The following RABEP1 variants were observed in gnomAD, a reference collection of about 807,000 sequenced individuals.
The protein encoded by RABEP1 is rabaptin, RAB GTPase binding effector protein 1, also known as rab GTPase-binding effector protein 1.
A neutral mutation model predicts 123.4 loss-of-function variants in RABEP1; 51 were observed. The observed-to-expected ratio is 0.41, with a 90% confidence interval of 0.33 to 0.52. The LOEUF is 0.52. Among genes scored for constraint, RABEP1 ranks in the 20% least tolerant of loss-of-function variants. The pLI is 0.16. For synonymous variants in RABEP1, 347 were observed against 355.2 expected (o/e 0.98, Z 0.26); for missense variants, 888 against 996.3 (o/e 0.89, Z 1.46).
chr17:5,350,823 G>A lies in RABEP1; in HGVS notation c.963+194G>A, dbSNP rs879874136. Among the ~76,000 whole-genome samples, 3 of 152,034 alleles carry A rather than the reference G, an allele frequency of 2.0e-5. No individual in the cohort carries two copies. The East Asian group carries it at 5.8e-4, about 29-fold the overall frequency. ...TCATCTTTAGAAATGGCCTCCTCTC[G>A]GGGGTGGGGAAACTGATTTGGAAAT... On this transcript the variant is annotated intron_variant, in intron 7 of 17. Transcript: ENST00000537505.
Position 5,335,173 on chromosome 17 carries a change from A to G in RABEP1, c.368-11A>G, listed in dbSNP as rs769902396. ...ATGCTTAGATGTGAAATATGTGGTG[A>G]TGTTTTGTAGAAACAGTTCGTGACT... On this transcript the variant is annotated splice_polypyrimidine_tract_variant and intron_variant, in intron 3 of 17. Coordinates refer to ENST00000537505, the MANE Select transcript of RABEP1 (RefSeq NM_004703.6). The G allele has an allele frequency of 6.3e-7, 1 of 1,593,468 alleles. No homozygotes were observed. The highest frequency in any genetic ancestry group is 2.2e-5 in the East Asian group (1 of 44,682).
chr17:5,304,934 A>T (rs1287716191), intron 1 of RABEP1, among the ~76,000 whole-genome samples: 1 of 152,194 alleles, frequency 6.6e-6, no homozygotes, highest in Non-Finnish European at 1.5e-5. Flanking sequence ...TCATTAAATA[A>T]ATACTACCAA....
chr17:5,344,417 AAC>A lies in RABEP1; in HGVS notation c.649-2371_649-2370del, dbSNP rs368740161. Among the ~76,000 whole-genome samples, 1,075 of 151,764 alleles carry A rather than the reference AAC, an allele frequency of 7.1e-3. 11 individuals carry two copies. The highest frequency in any genetic ancestry group is 0.011 in the Non-Finnish European group (727 of 67,884). ...TGTGCCACTGCACTCCAGCCAGAGC[AAC>A]AGAGTGAGACTCTCTCTCAAAATTG... is the stretch of plus-strand genomic sequence containing the variant. On this transcript the variant is annotated intron_variant, in intron 5 of 17. Coordinates refer to ENST00000537505, the MANE Select transcript of RABEP1 (RefSeq NM_004703.6).
rs2144654125 is a variant in RABEP1 at position 5,353,224 on chromosome 17, C to A, written c.964-1135C>A. On this transcript the variant is annotated intron_variant, in intron 7 of 17. Coordinates refer to ENST00000537505, the MANE Select transcript of RABEP1 (RefSeq NM_004703.6). The stretch of plus-strand genomic sequence containing the variant: ...TGTTTCTGTCTTTTGTATGTGCCTC[C>A]TTTCTCCCTGGAACCCTTAATTGTC... 1.3e-5 allele frequency among the ~76,000 whole-genome samples: 2 copies of A among 152,312 alleles called. 1 individual carries two copies. The highest frequency in any genetic ancestry group is 4.1e-4 in the South Asian group (2 of 4,822).
At position 5,361,348 on chromosome 17, in the gene RABEP1, A is replaced by G. The variant is rs1033372486; in HGVS notation, c.1236A>G (p.Gly412=). The change falls in exon 9 of 18, where the codon GGA becomes GGG. Residue 412 remains glycine (G), a synonymous_variant. Transcript: ENST00000537505. ...GAGCACAGTCTACAGACAGCTTGGGAACCTCGGGCTCATTGCAATCCAAAG... is the reference window on the plus strand; with the variant it reads ...GAGCACAGTCTACAGACAGCTTGGGGACCTCGGGCTCATTGCAATCCAAAG... ...LRRAQSTDSL[G]TSGSLQSKAL... is the part of the protein sequence containing the mutation. 6.2e-7 allele frequency: 1 copy of G among 1,614,046 alleles called. No individual in the cohort carries two copies. The highest frequency in any genetic ancestry group is 1.3e-5 in the African/African-American group (1 of 74,916).
In RABEP1 at chr17:5,346,811, C is replaced by G; in HGVS notation, c.670C>G (p.Leu224Val). The part of the protein sequence containing the change: ...ASKVKELNHY[L>V]EAEKSCRTDL... ...TCAGGTTAAAGAACTGAATCATTATCTGGAAGCTGAGAAATCTTGTAGGAC... is the reference window on the plus strand; with the variant it reads ...TCAGGTTAAAGAACTGAATCATTATGTGGAAGCTGAGAAATCTTGTAGGAC... Residue 224 changes from leucine (L) to valine (V), a missense_variant, in exon 6 of 18, where the codon CTG becomes GTG. Physicochemically the swap from Leu to Val is conservative, Grantham distance 32. Coordinates refer to ENST00000537505, the MANE Select transcript of RABEP1 (RefSeq NM_004703.6). The G allele has an allele frequency of 6.3e-7, 1 of 1,574,938 alleles. No homozygotes were observed. Among genetic ancestry groups the G allele is most frequent in the East Asian group, 2.3e-5 (1 of 43,954 alleles).
At chr17:5,314,234 C>CTTTTTTTTTTTTTTTCTTTTTTTTTTTT (rs2075272711) in intron 2 of RABEP1, among the ~76,000 whole-genome samples, 1 of 55,560 alleles carries the variant, frequency 1.8e-5, no homozygotes, top group Non-Finnish European at 3.2e-5. Flanking sequence ...AGTACCTATT[C>CTTTTTTTTTTTTTTTCTTTTTTTTTTTT]TTTTTTTTTT....
intron 7 of RABEP1, 114 bp from the exon 8 acceptor site, chr17:5,354,245 C>A: frequency 1.1e-6 from 1 of 921,682 alleles, no homozygotes; most frequent in South Asian, 2.1e-5. Context: ...CGTAAGTATC[C>A]AGTTTTCTCT....
intron 1 of RABEP1, among the ~76,000 whole-genome samples, chr17:5,290,394 A>T (rs1223862068): frequency 6.6e-6 from 1 of 152,050 alleles, no homozygotes; most frequent in Non-Finnish European, 1.5e-5. Flanking sequence ...GTCCTCCTTG[A>T]TTATTCTTAA....
chr17:5,290,982 C>G (rs1288053200), intron 1 of RABEP1, among the ~76,000 whole-genome samples: 1 of 152,158 alleles, frequency 6.6e-6, no homozygotes, highest in Non-Finnish European at 1.5e-5. Context: ...AGTAACTTGC[C>G]TAGAATCCAG....
chr17:5,380,847 G>A (rs143523975), intron 16 of RABEP1, among the ~76,000 whole-genome samples: 13 of 152,328 alleles, frequency 8.5e-5, no homozygotes, highest in Middle Eastern at 3.4e-3. Context: ...TAGAATAAAC[G>A]TGCATGTTGT....
intron 1 of RABEP1, among the ~76,000 whole-genome samples, chr17:5,286,633 A>G (rs1015175638): frequency 3.3e-5 from 5 of 152,250 alleles, no homozygotes; most frequent in Admixed American, 1.3e-4. Context: ...TCATTCAGCC[A>G]TTAATTAGAT....
chr17:5,290,769 T>C (rs2075025777), intron 1 of RABEP1, among the ~76,000 whole-genome samples: 1 of 152,104 alleles, frequency 6.6e-6, no homozygotes. Context: ...AATTTTTTTC[T>C]AGTTTTAGTA....
intron 2 of RABEP1, among the ~76,000 whole-genome samples, chr17:5,318,041 T>G (rs549215753): frequency 1.3e-5 from 2 of 152,342 alleles, no homozygotes; most frequent in South Asian, 4.1e-4. Context: ...CACCTTTTTC[T>G]CTATATCCTT....
chr17:5,309,522 G>A (rs1438302884), intron 2 of RABEP1, among the ~76,000 whole-genome samples: 2 of 151,962 alleles, frequency 1.3e-5, no homozygotes, highest in Admixed American at 6.6e-5. Flanking sequence ...GCATGGTGGC[G>A]CATGCCTGTA....
intron 13 of RABEP1, 141 bp from the exon 14 acceptor site, chr17:5,376,975 A>G: frequency 1.3e-6 from 1 of 798,636 alleles, no homozygotes; most frequent in Non-Finnish European, 2.0e-6. Context: ...CCTGCCCTGA[A>G]GCTCTAAGTG....
intron 6 of RABEP1, among the ~76,000 whole-genome samples, chr17:5,348,212 C>T (rs919058386): frequency 6.6e-6 from 1 of 152,198 alleles, no homozygotes; most frequent in Non-Finnish European, 1.5e-5. Flanking sequence ...CTCCTGACCT[C>T]AGGTGATCCA....
intron 12 of RABEP1, among the ~76,000 whole-genome samples, chr17:5,370,817 C>T (rs1358300267): frequency 6.6e-6 from 1 of 152,102 alleles, no homozygotes; most frequent in Non-Finnish European, 1.5e-5. Context: ...AGCAAATCTA[C>T]TAAGTAAAGG....
intron 5 of RABEP1, among the ~76,000 whole-genome samples, chr17:5,346,450 A>G (rs1038918723): frequency 2.0e-5 from 3 of 152,192 alleles, no homozygotes; most frequent in East Asian, 3.8e-4. Flanking sequence ...AAAGCAAAAC[A>G]TACCTGGTGT....
Sources: allele counts gnomAD v4.1 joint callset (sites outside exome capture counted in the v4.1 genomes callset), GRCh38; gene constraint gnomAD v4.1.1; transcripts MANE v1.5; gene names NCBI Gene and HGNC (gene_info 2026-07-23, HGNC 2026-07-21).